TIAM1: variants seen among roughly 807,000 people sequenced by gnomAD.
The protein encoded by TIAM1 is rho guanine nucleotide exchange factor TIAM1.
TIAM1 carries 65 observed loss-of-function variants against 163.5 expected under a neutral mutation model. The ratio of observed to expected loss-of-function variants is 0.40; its 90% CI spans 0.33 to 0.49. The LOEUF is 0.49. Ranked by LOEUF, TIAM1 falls within the 20% of genes least tolerant of loss-of-function variation. The pLI, the probability that TIAM1 is intolerant of heterozygous loss-of-function variation, is 0.77. For synonymous variants in TIAM1, 833 were observed against 810.1 expected (o/e 1.03, Z -0.48); for missense variants, 1,789 against 2,044.7 (o/e 0.87, Z 2.41).
At chr21:31,356,975 C>G (rs2076326585) in intron 2 of TIAM1, among the ~76,000 whole-genome samples, 1 of 152,158 alleles carries the variant, frequency 6.6e-6, no homozygotes, top group Admixed American at 6.5e-5. Flanking sequence ...AATGAATAAA[C>G]ATTTTTAAAA....
intron 4 of TIAM1, among the ~76,000 whole-genome samples, chr21:31,259,430 C>T (rs1345288799): frequency 6.6e-6 from 1 of 151,954 alleles, no homozygotes; most frequent in African/African-American, 2.4e-5. Context: ...AGCCAATGCA[C>T]CCGACCTAAG....
At chr21:31,159,178 A>C (rs898261691) in intron 16 of TIAM1, among the ~76,000 whole-genome samples, 5 of 152,140 alleles carry the variant, frequency 3.3e-5, no homozygotes, top group African/African-American at 1.2e-4. Flanking sequence ...AAACTGTTAA[A>C]GGGTAGCAGA....
chr21:31,490,765 T>C (rs1043010369), intron 1 of TIAM1, among the ~76,000 whole-genome samples: 9 of 152,214 alleles, frequency 5.9e-5, no homozygotes, highest in African/African-American at 1.7e-4. Flanking sequence ...GCCTCTTCAT[T>C]CAAGTGTTGT....
chr21:31,463,781 G>A (rs1295151345), intron 2 of TIAM1, among the ~76,000 whole-genome samples: 3 of 147,552 alleles, frequency 2.0e-5, no homozygotes, highest in African/African-American at 7.6e-5. Context: ...TAGCGCCATT[G>A]CACTCCAGCA....
chr21:31,130,235 C>G lies in TIAM1; in HGVS notation c.4023G>C (p.Gln1341His). 1 of 1,614,090 alleles carries G rather than the reference C, an allele frequency of 6.2e-7. No individual in the cohort carries two copies. The highest frequency in any genetic ancestry group is 8.5e-7 in the Non-Finnish European group (1 of 1,179,996). ...FRHMIPTEAL[Q>H]VRALASADAE... ...TACCTGCACTCGCCAAAGCTCGAAC[C>G]TGCAGCGCTTCCGTGGGGATCATGT... is the stretch of plus-strand genomic sequence containing the variant. The change falls in exon 25 of 28, where the codon CAG (glutamine) becomes CAC (histidine). Residue 1341 changes from glutamine (Q) to histidine (H), a missense_variant. Physicochemically the swap from Gln to His is conservative, Grantham distance 24. This residue lies in a region of TIAM1 where 415 missense variants were observed against 439.2 expected (regional missense o/e 0.94). Coordinates refer to ENST00000541036, the MANE Select transcript of TIAM1 (RefSeq NM_001353694.2).
At chr21:31,176,018 C>T (rs996787221) in intron 15 of TIAM1, among the ~76,000 whole-genome samples, 1 of 152,068 alleles carries the variant, frequency 6.6e-6, no homozygotes, top group Non-Finnish European at 1.5e-5. Context: ...TAAATTAGGC[C>T]AGTAGTTCTC....
At chr21:31,535,976 G>A (rs1263847328) in intron 1 of TIAM1, among the ~76,000 whole-genome samples, 1 of 152,184 alleles carries the variant, frequency 6.6e-6, no homozygotes, top group African/African-American at 2.4e-5. Context: ...GGAAGACGAT[G>A]GGTTACTATG....
rs1194162487 is a variant in TIAM1, at chr21:31,213,390, A to AT, written c.2217+7dup. On this transcript the variant is annotated splice_region_variant and intron_variant, in intron 10 of 27. Transcript: ENST00000541036. ...CTTTTAGAAAAGAAAACACACGTTT[A>AT]TTTTTACCTTGCCATCTGGAACAAT... is the stretch of plus-strand genomic sequence containing the variant. 1.9e-6 allele frequency: 3 copies of AT among 1,608,908 alleles called. No individual in the cohort carries two copies. Among genetic ancestry groups the AT allele is most frequent in the Non-Finnish European group, 1.7e-6 (2 of 1,178,338 alleles).
chr21:31,213,702 G>C (rs1166712180), intron 9 of TIAM1, among the ~76,000 whole-genome samples: 1 of 150,150 alleles, frequency 6.7e-6, no homozygotes, highest in African/African-American at 2.5e-5. Context: ...AAAAAAAAAA[G>C]TTTGCTCTCA....
At chr21:31,295,206 T>A (rs4816393) in intron 2 of TIAM1, among the ~76,000 whole-genome samples, 1 of 151,968 alleles carries the variant, frequency 6.6e-6, no homozygotes, top group African/African-American at 2.4e-5. Context: ...TGCGGTGGCT[T>A]ACGCCTGCAA....
chr21:31,492,665 G>A (rs536669430), intron 1 of TIAM1, among the ~76,000 whole-genome samples: 6 of 151,956 alleles, frequency 3.9e-5, no homozygotes, highest in East Asian at 1.9e-4. Context: ...CCTGTGCCCC[G>A]ACCACCTTGG....
At chr21:31,209,398 GA>G (rs1234502429) in intron 11 of TIAM1, among the ~76,000 whole-genome samples, 20 of 152,160 alleles carry the variant, frequency 1.3e-4, no homozygotes, top group African/African-American at 4.1e-4. Flanking sequence ...GGTTCACTTT[GA>G]AAAAGATCAA....
intron 2 of TIAM1, among the ~76,000 whole-genome samples, chr21:31,319,779 CAAAA>C (rs34265205): frequency 6.3e-4 from 64 of 101,322 alleles, no homozygotes; most frequent in African/African-American, 1.9e-3. Flanking sequence ...GACTCTATCT[CAAAA>C]AAAAAAAAAA....
At chr21:31,322,377 T>G (rs532412680) in intron 2 of TIAM1, among the ~76,000 whole-genome samples, 1 of 149,226 alleles carries the variant, frequency 6.7e-6, no homozygotes, top group South Asian at 2.1e-4. Context: ...CACAAAGGTG[T>G]ACCTGTGGAG....
intron 1 of TIAM1, among the ~76,000 whole-genome samples, chr21:31,528,016 A>G (rs895221750): frequency 1.4e-4 from 22 of 152,224 alleles, no homozygotes; most frequent in Non-Finnish European, 2.5e-4. Context: ...TATAGCTGAG[A>G]TGGGAAGCCC....
intron 7 of TIAM1, among the ~76,000 whole-genome samples, chr21:31,224,208 T>G (rs759519693): frequency 1.3e-5 from 2 of 152,170 alleles, no homozygotes; most frequent in African/African-American, 2.4e-5. Flanking sequence ...AGGTCTGGCA[T>G]AGAGTGAAGG....
chr21:31,491,694 T>C (rs147870770), intron 1 of TIAM1, among the ~76,000 whole-genome samples: 186 of 152,356 alleles, frequency 1.2e-3, no homozygotes, highest in African/African-American at 4.2e-3. Context: ...AAAAGCTCTC[T>C]TTGCTTTCGC....
At chr21:31,421,532 G>A (rs558775128) in intron 2 of TIAM1, among the ~76,000 whole-genome samples, 8 of 152,302 alleles carry the variant, frequency 5.3e-5, no homozygotes, top group East Asian at 1.9e-4. Flanking sequence ...TGTGAACGGC[G>A]CACGCGAGGG....
chr21:31,335,564 G>A (rs1334230440), intron 2 of TIAM1, among the ~76,000 whole-genome samples: 1 of 151,982 alleles, frequency 6.6e-6, no homozygotes, highest in East Asian at 1.9e-4. Flanking sequence ...AATTAGCTGG[G>A]CATGGTGGTG....
Sources: gnomAD v4.1 joint callset for allele counts (sites outside exome capture counted in the v4.1 genomes callset) on GRCh38, gnomAD v4.1.1 for gene constraint, gnomAD v4.1.1 regional missense constraint, MANE v1.5 for transcripts, NCBI Gene and HGNC (gene_info 2026-07-23, HGNC 2026-07-21) for gene names.